Variants in TXNRD1 observed in about 807,000 individuals in gnomAD.
TXNRD1 encodes thioredoxin reductase 1.
Under a neutral mutation model 80.3 loss-of-function variants are expected in TXNRD1, and 57 were observed. That is an observed-to-expected ratio of 0.71 (90% CI 0.57 to 0.89). The LOEUF (loss-of-function observed/expected upper bound fraction) is 0.89. Among genes scored for constraint, TXNRD1 ranks in the 40% least tolerant of loss-of-function variants. The probability of loss-of-function intolerance (pLI) is 0.00; values close to 1 mark genes in which losing one functional copy is unlikely to be tolerated. For missense variants in TXNRD1, 730 were observed against 803.0 expected (o/e 0.91, Z 1.10); for synonymous variants, 291 against 285.2 (o/e 1.02, Z -0.20).
intron 10 of TXNRD1, 66 bp from the exon 11 acceptor site, chr12:104,325,271 G>T: frequency 8.0e-7 from 1 of 1,255,542 alleles, no homozygotes; most frequent in Non-Finnish European, 1.1e-6. Context: ...CAGATGGAAG[G>T]GGAAGGTAGA....
At chr12:104,302,031 GT>G (rs1386636256) in intron 4 of TXNRD1, among the ~76,000 whole-genome samples, 2 of 152,116 alleles carry the variant, frequency 1.3e-5, no homozygotes, top group African/African-American at 4.8e-5. Flanking sequence ...GTGCATCTCC[GT>G]GTAAAAACAG....
At chr12:104,260,491 CA>C (rs2033344454) in intron 3 of TXNRD1, among the ~76,000 whole-genome samples, 1 of 148,590 alleles carries the variant, frequency 6.7e-6, no homozygotes, top group Non-Finnish European at 1.5e-5. Flanking sequence ...AAAAAAAACA[CA>C]AAAAACAACA....
At chr12:104,299,573 C>A (rs145008727) in intron 4 of TXNRD1, among the ~76,000 whole-genome samples, 1 of 151,814 alleles carries the variant, frequency 6.6e-6, no homozygotes, top group African/African-American at 2.4e-5. Flanking sequence ...TCGAGACCAG[C>A]CTGGTCAACA....
At chr12:104,318,102 T>C (rs1338039937) in intron 7 of TXNRD1, among the ~76,000 whole-genome samples, 2 of 152,238 alleles carry the variant, frequency 1.3e-5, no homozygotes, top group African/African-American at 2.4e-5. Flanking sequence ...TGAGCCCAGA[T>C]TGAGCCACTG....
At chr12:104,316,262 C>G (rs2035321364) in intron 7 of TXNRD1, among the ~76,000 whole-genome samples, 1 of 116,696 alleles carries the variant, frequency 8.6e-6, no homozygotes, top group African/African-American at 3.5e-5. Context: ...GTTTCATGAG[C>G]TGATGTTTGT....
chr12:104,319,942 A>C (rs948083056), intron 9 of TXNRD1, among the ~76,000 whole-genome samples: 1 of 152,260 alleles, frequency 6.6e-6, no homozygotes, highest in East Asian at 1.9e-4. Context: ...TATGATACAT[A>C]TATACATTTA....
At chr12:104,281,242 C>G (rs1238173519) in intron 3 of TXNRD1, among the ~76,000 whole-genome samples, 2 of 152,146 alleles carry the variant, frequency 1.3e-5, no homozygotes, top group Admixed American at 6.5e-5. Context: ...TCTCTTACAT[C>G]TCTTATTCCA....
chr12:104,323,277 G>C (rs2035607882), intron 10 of TXNRD1, among the ~76,000 whole-genome samples: 2 of 148,344 alleles, frequency 1.3e-5, no homozygotes. Flanking sequence ...ATTCCACAAA[G>C]CCGCCATTGT....
intron 10 of TXNRD1, 34 bp downstream of exon 10, chr12:104,321,350 A>G (rs770488973): frequency 6.4e-6 from 10 of 1,569,684 alleles, no homozygotes; most frequent in Non-Finnish European, 8.8e-6. Context: ...TCTTGATTCT[A>G]CATTCACAGT....
intron 1 of TXNRD1, 75 bp downstream of exon 1, chr12:104,215,968 A>G: frequency 7.9e-7 from 1 of 1,273,126 alleles, no homozygotes; most frequent in Admixed American, 2.2e-5. Flanking sequence ...TTGGGGATAA[A>G]GTGCCCCGGA....
Position 104,334,242 on chromosome 12 carries a change from C to T in TXNRD1, c.1656C>T (p.Tyr552=), listed in dbSNP as rs771664926. The T allele has an allele frequency of 3.3e-6, 5 of 1,514,380 alleles. No homozygotes were observed. The South Asian group carries it at 3.9e-5, about 12-fold the overall frequency. The allele number at this position is 1,514,380 out of a possible 1,614,324, so 93.8% of individuals were successfully genotyped here. ...TTGCTTTTGTATCTTCTTAGGTTTACCATAGTTACTTTTGGCCATTGGAAT... is the reference window on the plus strand; with the variant it reads ...TTGCTTTTGTATCTTCTTAGGTTTATCATAGTTACTTTTGGCCATTGGAAT... ...EKFGEENIEV[Y]HSYFWPLEWT... is the part of the protein sequence containing the mutation. The change falls in exon 15 of 17, where the codon TAC becomes TAT. Residue 552 remains tyrosine (Y), a synonymous_variant. Coordinates refer to ENST00000525566, the MANE Select transcript of TXNRD1 (RefSeq NM_001093771.3).
intron 1 of TXNRD1, among the ~76,000 whole-genome samples, chr12:104,222,345 G>T (rs2032375166): frequency 6.6e-6 from 1 of 151,950 alleles, no homozygotes; most frequent in African/African-American, 2.4e-5. Flanking sequence ...TCAAAGTATG[G>T]TTTTCGAAAC....
At chr12:104,229,645 T>C (rs1417707236) in intron 1 of TXNRD1, among the ~76,000 whole-genome samples, 1 of 151,792 alleles carries the variant, frequency 6.6e-6, no homozygotes, top group Admixed American at 6.6e-5. Context: ...CAGGCTGGAG[T>C]GCAATGGCGA....
intron 4 of TXNRD1, among the ~76,000 whole-genome samples, chr12:104,297,761 A>G (rs745513756): frequency 5.3e-5 from 8 of 152,212 alleles, no homozygotes; most frequent in Non-Finnish European, 1.0e-4. Flanking sequence ...GTGGAAACTA[A>G]TAATGCAGAT....
At chr12:104,217,189 T>C (rs1363773213) in intron 1 of TXNRD1, among the ~76,000 whole-genome samples, 1 of 152,152 alleles carries the variant, frequency 6.6e-6, no homozygotes, top group Non-Finnish European at 1.5e-5. Flanking sequence ...GCATCCCAAA[T>C]TGACGTTTCA....
intron 1 of TXNRD1, among the ~76,000 whole-genome samples, chr12:104,223,907 G>A (rs2032411763): frequency 6.6e-6 from 1 of 152,176 alleles, no homozygotes; most frequent in Non-Finnish European, 1.5e-5. Flanking sequence ...AGTTACTCTG[G>A]CCCTGGGTGT....
chr12:104,328,864 TA>T (rs1190002484), intron 13 of TXNRD1, among the ~76,000 whole-genome samples: 2 of 152,162 alleles, frequency 1.3e-5, no homozygotes, highest in Non-Finnish European at 2.9e-5. Flanking sequence ...TATAGGATGT[TA>T]AAACTCTTCA....
At chr12:104,312,053 G>T (rs2135808050) in intron 5 of TXNRD1, among the ~76,000 whole-genome samples, 2 of 151,784 alleles carry the variant, frequency 1.3e-5, no homozygotes, top group Middle Eastern at 6.9e-3. Flanking sequence ...GTGTGGAAAT[G>T]GTCTGAAATT....
At chr12:104,289,110 C>T in intron 4 of TXNRD1, 70 bp downstream of exon 4, 1 of 1,539,856 alleles carries the variant, frequency 6.5e-7, no homozygotes, top group Non-Finnish European at 8.8e-7. Context: ...CACAGCCTGC[C>T]TTTTAAAGCC....
Sources: allele counts gnomAD v4.1 joint callset (sites outside exome capture counted in the v4.1 genomes callset), GRCh38; gene constraint gnomAD v4.1.1; transcripts MANE v1.5; gene names NCBI Gene and HGNC (gene_info 2026-07-23, HGNC 2026-07-21).